The following DCC variants were observed in gnomAD, a reference collection of about 807,000 sequenced individuals.
DCC encodes the protein DCC netrin 1 receptor.
Under a neutral mutation model 172.5 loss-of-function variants are expected in DCC, and 58 were observed. The ratio of observed to expected loss-of-function variants is 0.34; its 90% confidence interval spans 0.27 to 0.42. The LOEUF (loss-of-function observed/expected upper bound fraction) is 0.42, where lower values mean the gene tolerates loss of function less well. Among genes scored for constraint, DCC ranks in the 10% least tolerant of loss-of-function variants. DCC has a pLI of 1.00. For missense variants in DCC, 1,740 were observed against 1,791.0 expected, an observed-to-expected ratio of 0.97 and a Z score of 0.51; for synonymous variants, 709 against 644.5, an observed-to-expected ratio of 1.10 and a Z score of -1.52.
chr18:53,331,613 G>C (rs936762342), intron 14 of DCC, among the ~76,000 whole-genome samples: 6 of 152,206 alleles, frequency 3.9e-5, no homozygotes, highest in Admixed American at 3.3e-4. Flanking sequence ...GAAGTTGGCA[G>C]TGTTTAAATA....
chr18:53,388,682 A>C (rs1334520389), intron 16 of DCC, among the ~76,000 whole-genome samples: 1 of 152,244 alleles, frequency 6.6e-6, no homozygotes, highest in African/African-American at 2.4e-5. Context: ...AGAAGATGAA[A>C]AGAAGAAGAC....
At chr18:52,345,076 T>C (rs1166679175) in intron 1 of DCC, among the ~76,000 whole-genome samples, 1 of 152,126 alleles carries the variant, frequency 6.6e-6, no homozygotes, top group Non-Finnish European at 1.5e-5. Flanking sequence ...TTGCACCAAA[T>C]TGGGAACACA....
chr18:53,365,647 T>C (rs898680784), intron 15 of DCC, among the ~76,000 whole-genome samples: 2 of 152,140 alleles, frequency 1.3e-5, no homozygotes, highest in Admixed American at 6.5e-5. Flanking sequence ...TGTTAAAACA[T>C]CCATTAATCA....
At chr18:52,547,003 G>T (rs77655149) in intron 1 of DCC, among the ~76,000 whole-genome samples, 17 of 152,116 alleles carry the variant, frequency 1.1e-4, no homozygotes, top group Non-Finnish European at 1.2e-4. Flanking sequence ...AGAGCACACC[G>T]TCTGGAGTCA....
At chr18:52,487,716 C>T (rs1477010695) in intron 1 of DCC, among the ~76,000 whole-genome samples, 1 of 140,058 alleles carries the variant, frequency 7.1e-6, no homozygotes, top group Admixed American at 8.1e-5. Context: ...GAGGCTGAGG[C>T]ATAAGGATGG....
chr18:53,222,871 T>G (rs1487227335), intron 12 of DCC, among the ~76,000 whole-genome samples: 5 of 152,152 alleles, frequency 3.3e-5, no homozygotes, highest in Non-Finnish European at 7.4e-5. Context: ...CAAAGTTACT[T>G]AATGTCATTG....
At chr18:52,421,438 A>T (rs547187749) in intron 1 of DCC, among the ~76,000 whole-genome samples, 158 of 152,286 alleles carry the variant, frequency 1.0e-3, no homozygotes, top group African/African-American at 3.7e-3. Flanking sequence ...CCCTTATTCA[A>T]ATGTGAGAAC....
intron 12 of DCC, among the ~76,000 whole-genome samples, chr18:53,242,567 A>G (rs2056312198): frequency 6.6e-6 from 1 of 152,186 alleles, no homozygotes; most frequent in African/African-American, 2.4e-5. Context: ...TGTAAAGAGT[A>G]TTTATTCTTA....
chr18:52,597,378 G>C (rs2033930118), intron 1 of DCC, among the ~76,000 whole-genome samples: 1 of 152,124 alleles, frequency 6.6e-6, no homozygotes, highest in Non-Finnish European at 1.5e-5. Flanking sequence ...TATTCAGAGT[G>C]GGTTCATTAC....
intron 12 of DCC, among the ~76,000 whole-genome samples, chr18:53,270,977 T>G (rs2056741830): frequency 6.6e-6 from 1 of 152,180 alleles, no homozygotes; most frequent in South Asian, 2.1e-4. Context: ...TTACCCATTT[T>G]ATTGTTAAGG....
At chr18:52,555,139 T>A (rs570031878) in intron 1 of DCC, among the ~76,000 whole-genome samples, 35 of 152,204 alleles carry the variant, frequency 2.3e-4, no homozygotes, top group Admixed American at 1.2e-3. Flanking sequence ...TAAAGTGTCA[T>A]CATACCTGAA....
chr18:53,154,539 G>T (rs1051307090), intron 7 of DCC, among the ~76,000 whole-genome samples: 1 of 152,184 alleles, frequency 6.6e-6, no homozygotes, highest in African/African-American at 2.4e-5. Flanking sequence ...GCTGCACAGA[G>T]AATATATTTG....
chr18:52,491,488 T>C (rs905124822), intron 1 of DCC, among the ~76,000 whole-genome samples: 3 of 152,176 alleles, frequency 2.0e-5, no homozygotes, highest in Non-Finnish European at 4.4e-5. Flanking sequence ...ATTGGCAAGG[T>C]CAGTATGTTT....
intron 2 of DCC, among the ~76,000 whole-genome samples, chr18:52,753,662 C>T (rs2037033605): frequency 6.6e-6 from 1 of 152,088 alleles, no homozygotes; most frequent in Non-Finnish European, 1.5e-5. Flanking sequence ...CATGTTGGCT[C>T]AACAGCTGAG....
chr18:53,440,818 C>T (rs551634721), intron 22 of DCC, among the ~76,000 whole-genome samples: 2 of 152,096 alleles, frequency 1.3e-5, no homozygotes, highest in Non-Finnish European at 2.9e-5. Flanking sequence ...CTAGTCTAAA[C>T]CCAGATTCTA....
intron 15 of DCC, among the ~76,000 whole-genome samples, chr18:53,358,403 G>C (rs762610549): frequency 6.6e-6 from 1 of 151,774 alleles, no homozygotes; most frequent in African/African-American, 2.4e-5. Flanking sequence ...TAGGCTTAAA[G>C]ACCAAATGAT....
At chr18:53,491,929 C>A (rs1028572223) in intron 26 of DCC, among the ~76,000 whole-genome samples, 2 of 152,240 alleles carry the variant, frequency 1.3e-5, no homozygotes, top group African/African-American at 4.8e-5. Context: ...CTCCAACCAA[C>A]AGTGTAAAAG....
chr18:52,612,709 G>C (rs971934488), intron 1 of DCC, among the ~76,000 whole-genome samples: 4 of 151,992 alleles, frequency 2.6e-5, no homozygotes, highest in Admixed American at 2.6e-4. Context: ...TGTATTGTAT[G>C]CTCTGCATTT....
At chr18:52,390,382 G>T (rs1055086200) in intron 1 of DCC, among the ~76,000 whole-genome samples, 1 of 152,082 alleles carries the variant, frequency 6.6e-6, no homozygotes, top group East Asian at 1.9e-4. Context: ...GCACAGAAGG[G>T]ACAGCTGTTA....
Sources: allele counts gnomAD v4.1 joint callset (sites outside exome capture counted in the v4.1 genomes callset), GRCh38; gene constraint gnomAD v4.1.1; transcripts MANE v1.5; gene names NCBI Gene and HGNC (gene_info 2026-07-23, HGNC 2026-07-21).